The following RERG variants were observed in gnomAD, a reference collection of about 807,000 sequenced individuals.
RERG encodes ras-related and estrogen-regulated growth inhibitor.
Under a neutral mutation model 23.2 loss-of-function variants are expected in RERG, and 25 were observed. The ratio of observed to expected loss-of-function variants is 1.08; its 90% CI spans 0.79 to 1.50. The LOEUF is 1.50. RERG is among the 40% of genes most tolerant of loss of function. RERG has a pLI of 0.00. For synonymous variants in RERG, 81 were observed against 89.1 expected (o/e 0.91, Z 0.51); for missense variants, 253 against 250.1 (o/e 1.01, Z -0.08).
intron 2 of RERG, among the ~76,000 whole-genome samples, chr12:15,194,224 T>G (rs12366798): frequency 6.6e-6 from 1 of 152,096 alleles, no homozygotes; most frequent in African/African-American, 2.4e-5. Flanking sequence ...CAGGCTGCGC[T>G]CTAAATAACA....
intron 2 of RERG, among the ~76,000 whole-genome samples, chr12:15,137,272 A>T (rs901406890): frequency 6.6e-6 from 1 of 151,552 alleles, no homozygotes; most frequent in Non-Finnish European, 1.5e-5. Context: ...CTATCCCTTT[A>T]CTTTTAATCT....
At position 15,163,558 on chromosome 12, in the gene RERG, T is replaced by C. The variant is rs979813489; in HGVS notation, c.62-42439A>G. Among the ~76,000 whole-genome samples the C allele has an allele frequency of 2.6e-5, 4 of 152,190 alleles. No homozygotes were observed. In the South Asian group the frequency reaches 6.2e-4, roughly 24 times the overall value. On this transcript the variant is annotated intron_variant, in intron 2 of 4. Transcript: ENST00000256953. The stretch of plus-strand genomic sequence containing the variant: ...AGATCTGCTCAGTGAGAGTGTATCA[T>C]AGGGTCTAGCCAGGAAAACAGAAAC...
chr12:15,118,343 T>C (rs1447484745), intron 3 of RERG, among the ~76,000 whole-genome samples: 2 of 152,218 alleles, frequency 1.3e-5, no homozygotes, highest in East Asian at 1.9e-4. Context: ...GTTCATAGTC[T>C]TCAGCTTCTC....
intron 2 of RERG, among the ~76,000 whole-genome samples, chr12:15,186,159 T>C (rs370708772): frequency 6.6e-6 from 1 of 151,878 alleles, no homozygotes; most frequent in Non-Finnish European, 1.5e-5. Context: ...CTTAGAGGAA[T>C]AGATAAGCTT....
intron 2 of RERG, among the ~76,000 whole-genome samples, chr12:15,156,754 TC>T (rs1169483838): frequency 6.6e-6 from 1 of 152,150 alleles, no homozygotes; most frequent in Non-Finnish European, 1.5e-5. Flanking sequence ...ATCAATATGA[TC>T]AATAAAACAA....
intron 2 of RERG, among the ~76,000 whole-genome samples, chr12:15,148,847 G>GTTTTTTT (rs56033971): frequency 8.8e-5 from 4 of 45,562 alleles, no homozygotes; most frequent in African/African-American, 1.2e-4. Context: ...CTTTAACTCT[G>GTTTTTTT]TTTTTTTTTT....
At chr12:15,155,649 T>A (rs1178890850) in intron 2 of RERG, among the ~76,000 whole-genome samples, 1 of 152,212 alleles carries the variant, frequency 6.6e-6, no homozygotes, top group African/African-American at 2.4e-5. Context: ...GTAGGGCTTC[T>A]TGGTAGTACC....
intron 3 of RERG, among the ~76,000 whole-genome samples, chr12:15,116,722 C>T (rs999117915): frequency 7.9e-5 from 12 of 151,946 alleles, no homozygotes; most frequent in African/African-American, 1.7e-4. Flanking sequence ...TGTGCATCTA[C>T]GTGCTAACTT....
chr12:15,112,887 C>G (rs1477849337), intron 3 of RERG, among the ~76,000 whole-genome samples: 1 of 152,142 alleles, frequency 6.6e-6, no homozygotes, highest in East Asian at 1.9e-4. Context: ...ATCAAAGGAA[C>G]TAGCAGGACG....
chr12:15,129,733 G>A (rs1182326090), intron 2 of RERG, among the ~76,000 whole-genome samples: 1 of 152,072 alleles, frequency 6.6e-6, no homozygotes, highest in Admixed American at 6.5e-5. Context: ...CATGTAGGGG[G>A]AGCTATGTTG....
At chr12:15,176,085 G>C (rs1453504331) in intron 2 of RERG, among the ~76,000 whole-genome samples, 1 of 152,192 alleles carries the variant, frequency 6.6e-6, no homozygotes. Context: ...TAGTGTGCCA[G>C]TGTTTTCATG....
intron 2 of RERG, among the ~76,000 whole-genome samples, chr12:15,122,109 T>C (rs1023414620): frequency 6.8e-4 from 104 of 152,152 alleles, no homozygotes; most frequent in South Asian, 1.9e-3. Context: ...TGAAAAAATA[T>C]ACATACACAC....
chr12:15,133,146 GATAT>G lies in RERG; in HGVS notation c.62-12031_62-12028del, dbSNP rs376565973. 1.2e-3 allele frequency among the ~76,000 whole-genome samples: 156 copies of G among 125,166 alleles called. 1 individual carries two copies. Among genetic ancestry groups the G allele is most frequent in the African/African-American group, 3.6e-3 (113 of 30,992 alleles). 82.1% of individuals were successfully genotyped at this position (125,166 alleles called of 152,430 possible). On this transcript the variant is annotated intron_variant, in intron 2 of 4. Coordinates refer to ENST00000256953, the MANE Select transcript of RERG (RefSeq NM_032918.3). ...CTCTTGGGGTTGTATATCCTGTGGA[GATAT>G]ATATATATATATATATATATATATG...
chr12:15,173,180 A>T (rs1049000360), intron 2 of RERG, among the ~76,000 whole-genome samples: 25 of 152,042 alleles, frequency 1.6e-4, no homozygotes, highest in African/African-American at 5.8e-4. Context: ...GTCCAACTTC[A>T]TTCTTTTGCA....
intron 2 of RERG, among the ~76,000 whole-genome samples, chr12:15,206,280 GCC>G (rs1865288703): frequency 6.6e-6 from 1 of 152,010 alleles, no homozygotes; most frequent in South Asian, 2.1e-4. Context: ...ATGTGCTCTG[GCC>G]CACAGAATAT....
At chr12:15,154,046 C>G (rs546412047) in intron 2 of RERG, among the ~76,000 whole-genome samples, 1 of 152,138 alleles carries the variant, frequency 6.6e-6, no homozygotes, top group African/African-American at 2.4e-5. Context: ...AGGCAGGGAA[C>G]AGATCCTCCC....
chr12:15,217,371 ATAAAGAAAC>A, intron 2 of RERG, 49 bp downstream of exon 2: 3 of 1,147,786 alleles, frequency 2.6e-6, no homozygotes, highest in South Asian at 2.5e-5. Context: ...AGAAACAGTA[ATAAAGAAAC>A]ACACTCACCC....
intron 2 of RERG, among the ~76,000 whole-genome samples, chr12:15,150,966 GA>G (rs1305862097): frequency 2.0e-5 from 3 of 152,202 alleles, no homozygotes; most frequent in Middle Eastern, 3.2e-3. Flanking sequence ...GACAGAAAAT[GA>G]AAGTACATAA....
At chr12:15,178,211 T>G (rs184319872) in intron 2 of RERG, among the ~76,000 whole-genome samples, 1 of 152,244 alleles carries the variant, frequency 6.6e-6, no homozygotes, top group African/African-American at 2.4e-5. Flanking sequence ...AGCTCTAAGC[T>G]CTCTACAAAA....
Sources: gnomAD v4.1 joint callset for allele counts (sites outside exome capture counted in the v4.1 genomes callset) on GRCh38, gnomAD v4.1.1 for gene constraint, MANE v1.5 for transcripts, NCBI Gene and HGNC (gene_info 2026-07-23, HGNC 2026-07-21) for gene names.